CFHR5: variants seen among roughly 807,000 people sequenced by gnomAD.
CFHR5 encodes complement factor H-related protein 5.
Under a neutral mutation model 62.9 loss-of-function variants are expected in CFHR5, and 73 were observed. The ratio of observed to expected loss-of-function variants is 1.16; its 90% CI spans 0.96 to 1.41. The LOEUF is 1.41. Ranked by LOEUF, CFHR5 falls within the 40% of genes most tolerant of loss-of-function variation. CFHR5 has a pLI of 0.00. For missense variants in CFHR5, 779 were observed against 679.9 expected, an observed-to-expected ratio of 1.15 and a Z score of -1.62; for synonymous variants, 249 against 227.2, an observed-to-expected ratio of 1.10 and a Z score of -0.86.
At chr1:196,977,762 A>C in intron 1 of CFHR5, 40 bp downstream of exon 1, 1 of 1,454,426 alleles carries the variant, frequency 6.9e-7, no homozygotes, top group Non-Finnish European at 9.7e-7. Context: ...GTTCCTTTTC[A>C]AATGTATTTA....
intron 3 of CFHR5, among the ~76,000 whole-genome samples, chr1:196,988,625 A>C (rs1195871651): frequency 1.3e-5 from 2 of 152,182 alleles, no homozygotes; most frequent in Non-Finnish European, 2.9e-5. Flanking sequence ...CTATTGAGAT[A>C]ATCACGTGTT....
intron 3 of CFHR5, among the ~76,000 whole-genome samples, chr1:196,985,439 A>T (rs1220330057): frequency 5.3e-5 from 8 of 152,160 alleles, no homozygotes; most frequent in Non-Finnish European, 8.8e-5. Context: ...TTCAGTAAAC[A>T]GTTACGTCAT....
At chr1:196,996,744 G>A (rs1040246065) in intron 6 of CFHR5, among the ~76,000 whole-genome samples, 1 of 152,026 alleles carries the variant, frequency 6.6e-6, no homozygotes, top group Non-Finnish European at 1.5e-5. Flanking sequence ...AGAAGAGTAG[G>A]GGACTAGGAC....
chr1:196,997,512 G>A (rs1654025643), intron 6 of CFHR5, among the ~76,000 whole-genome samples: 1 of 151,982 alleles, frequency 6.6e-6, no homozygotes, highest in Non-Finnish European at 1.5e-5. Context: ...TATGGGAAAC[G>A]GGAAAAAAAT....
chr1:196,975,478 T>C (rs991282286), upstream of CFHR5, among the ~76,000 whole-genome samples: 2 of 152,190 alleles, frequency 1.3e-5, no homozygotes, highest in African/African-American at 4.8e-5. Context: ...GCAAAATCCT[T>C]GCACAGAAAA....
chr1:196,984,781 T>C (rs1487395211), intron 3 of CFHR5, among the ~76,000 whole-genome samples: 3 of 152,136 alleles, frequency 2.0e-5, no homozygotes, highest in Admixed American at 6.5e-5. Flanking sequence ...TCAAGGAAAC[T>C]TCCATAGTCT....
At chr1:196,976,500 G>C (rs1653396592), upstream of CFHR5, among the ~76,000 whole-genome samples, 1 of 152,100 alleles carries the variant, frequency 6.6e-6, no homozygotes, top group African/African-American at 2.4e-5. Flanking sequence ...TTCAACTTCT[G>C]AGCCACGGAA....
rs200468491 is a variant in CFHR5 at position 197,004,843 on chromosome 1, G to C, written c.1513G>C (p.Asp505His). The change falls in exon 9 of 10, where the codon GAT becomes CAT. Residue 505 changes from aspartate to histidine, a missense_variant and splice_region_variant. Physicochemically the swap from Asp to His is moderately conservative, Grantham distance 81. Transcript: ENST00000256785. ...KQWSEPPRCL[D>H]PCVVSEENMN... ...GTGGTCAGAACCACCAAGATGCCTAGGTGAGTTCTTAATATTCTCTTGGAA... is the reference window on the plus strand; with the variant it reads ...GTGGTCAGAACCACCAAGATGCCTACGTGAGTTCTTAATATTCTCTTGGAA... The C allele has an allele frequency of 6.2e-7, 1 of 1,605,852 alleles. No individual in the cohort carries two copies. The highest frequency in any genetic ancestry group is 1.1e-5 in the South Asian group (1 of 90,880).
At chr1:196,996,459 A>C (rs191604834) in intron 6 of CFHR5, among the ~76,000 whole-genome samples, 162 of 152,290 alleles carry the variant, frequency 1.1e-3, no homozygotes, top group Non-Finnish European at 2.0e-3. Context: ...AACTTTTATT[A>C]ATGTATATGC....
chr1:197,003,965 C>T (rs969944859), intron 8 of CFHR5, among the ~76,000 whole-genome samples: 3 of 151,924 alleles, frequency 2.0e-5, no homozygotes, highest in Non-Finnish European at 2.9e-5. Context: ...ATGAAGAAGT[C>T]AATCTGAGAA....
At chr1:197,000,748 T>C (rs1379382557) in intron 7 of CFHR5, among the ~76,000 whole-genome samples, 1 of 152,146 alleles carries the variant, frequency 6.6e-6, no homozygotes, top group Non-Finnish European at 1.5e-5. Flanking sequence ...TCAATAAGTA[T>C]TCATCTTTGT....
chr1:196,976,400 C>G (rs1225130261), upstream of CFHR5, among the ~76,000 whole-genome samples: 1 of 152,072 alleles, frequency 6.6e-6, no homozygotes, highest in Non-Finnish European at 1.5e-5. Context: ...ATAGGATCCT[C>G]GGGCATGGAC....
intron 3 of CFHR5, among the ~76,000 whole-genome samples, chr1:196,988,494 T>C (rs544444685): frequency 3.9e-5 from 6 of 152,156 alleles, no homozygotes; most frequent in African/African-American, 7.2e-5. Flanking sequence ...CAGTATGATA[T>C]TGGCTGTGGG....
At chr1:196,993,011 A>G (rs1653885451) in intron 3 of CFHR5, among the ~76,000 whole-genome samples, 1 of 152,164 alleles carries the variant, frequency 6.6e-6, no homozygotes. Flanking sequence ...GAATTAATAT[A>G]TAATTTTATA....
intron 4 of CFHR5, among the ~76,000 whole-genome samples, chr1:196,994,728 A>G (rs894656903): frequency 2.6e-5 from 4 of 152,182 alleles, no homozygotes; most frequent in African/African-American, 9.7e-5. Flanking sequence ...GTCCCTTTTC[A>G]CAATGCTGAT....
intron 1 of CFHR5, among the ~76,000 whole-genome samples, 182 bp from the exon 2 acceptor site, chr1:196,982,703 C>T (rs2125026513): frequency 6.6e-6 from 1 of 152,026 alleles, no homozygotes; most frequent in Non-Finnish European, 1.5e-5. Context: ...TCCTCAAATA[C>T]TCTTCTATTC....
chr1:196,975,379 G>T (rs1211764460), upstream of CFHR5, among the ~76,000 whole-genome samples: 1 of 152,196 alleles, frequency 6.6e-6, no homozygotes, highest in Admixed American at 6.5e-5. Flanking sequence ...TCTTCATGAT[G>T]AAAGATGTTT....
intron 1 of CFHR5, among the ~76,000 whole-genome samples, chr1:196,982,389 C>T (rs564379495): frequency 9.9e-5 from 15 of 152,090 alleles, no homozygotes; most frequent in Non-Finnish European, 1.8e-4. Context: ...ATGACCTCGT[C>T]GGTCCGGCAT....
intron 3 of CFHR5, among the ~76,000 whole-genome samples, chr1:196,991,287 G>A (rs1411429916): frequency 6.6e-6 from 1 of 151,970 alleles, no homozygotes; most frequent in Non-Finnish European, 1.5e-5. Flanking sequence ...AAGGTTTTTA[G>A]CTTCCTTGCG....
Sources: gnomAD v4.1 joint callset for allele counts (sites outside exome capture counted in the v4.1 genomes callset) on GRCh38, gnomAD v4.1.1 for gene constraint, MANE v1.5 for transcripts, NCBI Gene and HGNC (gene_info 2026-07-23, HGNC 2026-07-21) for gene names.